The following ARHGAP22 variants were observed in gnomAD, a reference collection of about 807,000 sequenced individuals.
ARHGAP22 encodes the protein rho GTPase-activating protein 22.
A neutral mutation model predicts 59.1 loss-of-function variants in ARHGAP22; 48 were observed. That is an observed-to-expected ratio of 0.81 (90% CI 0.64 to 1.03). The LOEUF (loss-of-function observed/expected upper bound fraction) is 1.03, where lower values mean the gene tolerates loss of function less well. Among genes scored for constraint, ARHGAP22 ranks in the 50% least tolerant of loss-of-function variants. The pLI is 0.00. For synonymous variants in ARHGAP22, 445 were observed against 416.4 expected, an observed-to-expected ratio of 1.07 and a Z score of -0.84; for missense variants, 1,015 against 958.7, an observed-to-expected ratio of 1.06 and a Z score of -0.78.
At chr10:48,589,481 T>C (rs2059625250) in intron 1 of ARHGAP22, among the ~76,000 whole-genome samples, 2 of 152,108 alleles carry the variant, frequency 1.3e-5, no homozygotes, top group African/African-American at 4.8e-5. Context: ...TGTCAAACCA[T>C]CTGCAGGACA....
intron 9 of ARHGAP22, among the ~76,000 whole-genome samples, chr10:48,447,527 C>T (rs903577411): frequency 2.6e-5 from 4 of 152,184 alleles, no homozygotes; most frequent in Non-Finnish European, 4.4e-5. Context: ...CCCACCAAAA[C>T]GAAGCCTCCA....
At chr10:48,548,027 T>C (rs907571198) in intron 3 of ARHGAP22, among the ~76,000 whole-genome samples, 3 of 152,204 alleles carry the variant, frequency 2.0e-5, no homozygotes, top group African/African-American at 7.2e-5. Flanking sequence ...CCAGAGTGGA[T>C]AGGCCCTTCC....
intron 1 of ARHGAP22, among the ~76,000 whole-genome samples, chr10:48,650,696 A>AT (rs2062523996): frequency 1.3e-5 from 2 of 152,216 alleles, no homozygotes; most frequent in South Asian, 4.1e-4. Flanking sequence ...AATTTATTTC[A>AT]TCATAGAAAT....
Position 48,450,289 on chromosome 10 carries a change from G to A in ARHGAP22, c.1840C>T (p.Arg614Trp), listed in dbSNP as rs138535081. The change falls in exon 9 of 10, where the codon CGG (arginine) becomes TGG (tryptophan). Residue 614 changes from arginine to tryptophan, a missense_variant. Coordinates refer to ENST00000249601, the MANE Select transcript of ARHGAP22 (RefSeq NM_021226.4). ...TELRAELCRQ[R>W]TEYERSVKRI... is the part of the protein sequence containing the mutation. ...TTCACACTCCTCTCGTACTCAGTCCGCTGGCGGCACAGCTCGGCCCTGAGC... is the reference window on the plus strand; with the variant it reads ...TTCACACTCCTCTCGTACTCAGTCCACTGGCGGCACAGCTCGGCCCTGAGC... The A allele has an allele frequency of 3.5e-5, 56 of 1,609,418 alleles. No homozygotes were observed. The highest frequency in any genetic ancestry group is 4.2e-5 in the Non-Finnish European group (50 of 1,178,500).
intron 3 of ARHGAP22, chr10:48,493,645 CT>C: frequency 1.4e-6 from 2 of 1,422,990 alleles, no homozygotes; most frequent in Non-Finnish European, 9.2e-7. Context: ...AGGCTGAGGC[CT>C]TTTGTCTCTC....
intron 2 of ARHGAP22, among the ~76,000 whole-genome samples, chr10:48,558,746 G>A (rs1297424719): frequency 2.0e-5 from 3 of 152,138 alleles, no homozygotes; most frequent in Non-Finnish European, 2.9e-5. Context: ...CTATAGGTCT[G>A]GGGAAAGTAG....
intron 4 of ARHGAP22, among the ~76,000 whole-genome samples, chr10:48,468,678 T>C (rs12766232): frequency 0.17 from 25,806 of 152,176 alleles, 2,852 homozygotes; most frequent in East Asian, 0.61. Context: ...GATATTTTAG[T>C]ATTCATGTTC....
rs138885429 is a variant in ARHGAP22 at position 48,495,256 on chromosome 10, T to C, written c.323-15492A>G. On this transcript the variant is annotated intron_variant, in intron 3 of 9. Coordinates refer to ENST00000249601, the MANE Select transcript of ARHGAP22 (RefSeq NM_021226.4). ...GGGCTCTGGGAGGTAACAGGCAATC[T>C]CTCTTAATTAAAATATCCAGCTTTG... 3.2e-4 allele frequency among the ~76,000 whole-genome samples: 48 copies of C among 152,256 alleles called. 1 individual carries two copies. The East Asian group carries it at 7.3e-3, about 23-fold the overall frequency.
intron 3 of ARHGAP22, among the ~76,000 whole-genome samples, chr10:48,508,061 T>C (rs1452603958): frequency 6.6e-6 from 1 of 152,118 alleles, no homozygotes; most frequent in African/African-American, 2.4e-5. Flanking sequence ...ATGGTCAGAC[T>C]CCAAGTGTCA....
In ARHGAP22 at chr10:48,478,437, AG is replaced by A. The variant is rs141190452; in HGVS notation, c.451+1198del. Among the ~76,000 whole-genome samples the A allele has an allele frequency of 8.6e-3, 1,305 of 152,362 alleles. 19 individuals carry two copies. Among genetic ancestry groups the A allele is most frequent in the African/African-American group, 0.03 (1,239 of 41,590 alleles). ...GTGGGAGAGGAGAGTGGGCAAACAG[AG>A]GAGCAAAGGAAGGGGCTCAGCCCAT... On this transcript the variant is annotated intron_variant, in intron 4 of 9. Coordinates refer to ENST00000249601, the MANE Select transcript of ARHGAP22 (RefSeq NM_021226.4).
At chr10:48,470,721 G>A (rs570771252) in intron 4 of ARHGAP22, among the ~76,000 whole-genome samples, 118 of 152,352 alleles carry the variant, frequency 7.7e-4, no homozygotes, top group African/African-American at 2.7e-3. Context: ...GCCCAGGTCT[G>A]CAAGAGTCCT....
chr10:48,555,403 G>T, intron 3 of ARHGAP22, 60 bp downstream of exon 3: 1 of 1,532,452 alleles, frequency 6.5e-7, no homozygotes, highest in African/African-American at 1.4e-5. Flanking sequence ...GCCCTTCCCA[G>T]GCCAGGGGCA....
chr10:48,446,631 A>C lies in ARHGAP22; in HGVS notation c.1869-12T>G. The C allele has an allele frequency of 1.2e-6, 2 of 1,611,958 alleles. No homozygotes were observed. The highest frequency in any genetic ancestry group is 1.7e-6 in the Non-Finnish European group (2 of 1,178,688). On this transcript the variant is annotated splice_polypyrimidine_tract_variant and intron_variant, in intron 9 of 9. Coordinates refer to ENST00000249601, the MANE Select transcript of ARHGAP22 (RefSeq NM_021226.4). ...TCCCTTCTTCGATTCTGAAAAGTCA[A>C]GGAGAGATGCTGTTTGAGACTCTGC...
intron 8 of ARHGAP22, chr10:48,451,735 A>G: frequency 1.7e-6 from 1 of 595,168 alleles, no homozygotes; most frequent in Non-Finnish European, 3.0e-6. Flanking sequence ...ACACAACTGG[A>G]CAATGCACCC....
chr10:48,459,010 AG>A (rs1442503393), intron 5 of ARHGAP22, among the ~76,000 whole-genome samples: 4 of 152,204 alleles, frequency 2.6e-5, no homozygotes, highest in Admixed American at 1.3e-4. Flanking sequence ...CCAAGAAGAC[AG>A]GGCATAAGCC....
intron 3 of ARHGAP22, among the ~76,000 whole-genome samples, chr10:48,512,532 G>C (rs2052885817): frequency 6.6e-6 from 1 of 152,198 alleles, no homozygotes; most frequent in Non-Finnish European, 1.5e-5. Flanking sequence ...TCACTTTTTA[G>C]CATTTTAACC....
chr10:48,567,870 A>G (rs538979809), intron 2 of ARHGAP22, among the ~76,000 whole-genome samples: 1 of 152,320 alleles, frequency 6.6e-6, no homozygotes, highest in East Asian at 1.9e-4. Context: ...TCTCAAGGAC[A>G]TTTAACATTG....
chr10:48,594,920 G>A (rs188323953), intron 1 of ARHGAP22, among the ~76,000 whole-genome samples: 2 of 145,222 alleles, frequency 1.4e-5, no homozygotes, highest in East Asian at 4.0e-4. Context: ...TGAGGGTCTC[G>A]TTAATAGATT....
chr10:48,596,509 A>G (rs10776627), intron 1 of ARHGAP22, among the ~76,000 whole-genome samples: 128,837 of 152,148 alleles, frequency 0.85, 57,706 homozygotes, highest in Non-Finnish European at 0.99. Context: ...CCTCACTGAG[A>G]GGTGGAGTGT....
Sources: allele counts gnomAD v4.1 joint callset (sites outside exome capture counted in the v4.1 genomes callset), GRCh38; gene constraint gnomAD v4.1.1; transcripts MANE v1.5; gene names NCBI Gene and HGNC (gene_info 2026-07-23, HGNC 2026-07-21).